The following DNAH1 variants were observed in gnomAD, a reference collection of about 807,000 sequenced individuals.
The protein encoded by DNAH1 is dynein axonemal heavy chain 1.
A neutral mutation model predicts 484.3 loss-of-function variants in DNAH1; 327 were observed. That is an observed-to-expected ratio of 0.68 (90% confidence interval 0.62 to 0.74). DNAH1 has a LOEUF of 0.74. DNAH1 is among the 30% of genes least tolerant of loss of function. The pLI is 0.00. For synonymous variants in DNAH1, 2,192 were observed against 2,191.9 expected (o/e 1.00, Z 0.00); for missense variants, 5,052 against 5,546.8 (o/e 0.91, Z 2.83).
chr3:52,315,419 C>G (rs1700917259), upstream of DNAH1, among the ~76,000 whole-genome samples: 1 of 152,240 alleles, frequency 6.6e-6, no homozygotes, highest in Admixed American at 6.5e-5. Flanking sequence ...CCCATCTCAG[C>G]CAGCAAGGAG....
chr3:52,335,075 C>T (rs1190336342), intron 8 of DNAH1, among the ~76,000 whole-genome samples: 2 of 149,528 alleles, frequency 1.3e-5, no homozygotes, highest in East Asian at 2.0e-4. Context: ...GCTGGGATTA[C>T]AGGCATGATC....
At chr3:52,382,115 T>C (rs1486948454) in intron 49 of DNAH1, among the ~76,000 whole-genome samples, 1 of 151,956 alleles carries the variant, frequency 6.6e-6, no homozygotes, top group African/African-American at 2.4e-5. Context: ...GCTGGGAGGA[T>C]GGAAGGGAAG....
Position 52,364,177 on chromosome 3 carries a change from C to T in DNAH1, c.5245-461C>T, listed in dbSNP as rs1309190827. Among the ~76,000 whole-genome samples, 2 of 152,186 alleles carry T rather than the reference C, an allele frequency of 1.3e-5. No homozygotes were observed. Among genetic ancestry groups the T allele is most frequent in the African/African-American group, 4.8e-5 (2 of 41,444 alleles). ...AATTTAACTATTTCCAACTCACTTACTGTGTAATGAAGAGAAACAGGCTGG... is the reference window on the plus strand; with the variant it reads ...AATTTAACTATTTCCAACTCACTTATTGTGTAATGAAGAGAAACAGGCTGG... On this transcript the variant is annotated intron_variant, in intron 32 of 77. Transcript: ENST00000420323. This position sits in a 1 kb window ranked among gnomAD's most constrained non-coding sequence, Gnocchi z 4.2.
In DNAH1 at chr3:52,351,829, CA is replaced by C. The variant is rs1283418508; in HGVS notation, c.2730-132del. The C allele has an allele frequency of 2.7e-6, 3 of 1,131,236 alleles. No homozygotes were observed. In the African/African-American group the frequency reaches 4.6e-5, roughly 18 times the overall value. 70.1% of individuals were successfully genotyped at this position (1,131,236 alleles called of 1,614,324 possible). A position where few individuals can be genotyped will look rare whatever the true frequency, so the allele number is the denominator to read the frequency against. ...GCTGTCTGGCCCCAGGTAGCCTCCACAGCTGCCTGGATTTCCCCTGAACCCC... is the reference window on the plus strand; with the variant it reads ...GCTGTCTGGCCCCAGGTAGCCTCCACGCTGCCTGGATTTCCCCTGAACCCC... On this transcript the variant is annotated intron_variant, in intron 16 of 77. Transcript: ENST00000420323.
At chr3:52,391,087 C>A (rs753359426) in intron 61 of DNAH1, 33 bp downstream of exon 61, 2 of 1,588,710 alleles carry the variant, frequency 1.3e-6, no homozygotes, top group Non-Finnish European at 1.7e-6. Flanking sequence ...ACCACCCCAC[C>A]CCAGCCAGGC....
intron 8 of DNAH1, among the ~76,000 whole-genome samples, chr3:52,339,837 C>T (rs1284200859): frequency 3.3e-5 from 5 of 151,410 alleles, no homozygotes; most frequent in African/African-American, 1.2e-4. Flanking sequence ...TGTGTACACA[C>T]GTGCTGGGGA....
rs1024059041 is a variant in DNAH1, at chr3:52,355,360, G to A, written c.3693+305G>A. On this transcript the variant is annotated intron_variant, in intron 21 of 77. Transcript: ENST00000420323. The surrounding 1 kb of genome is among the most constrained non-coding windows in gnomAD (Gnocchi z 4.5). ...ACTGCCAGGCGGCCTCCCCAGGGCTGCCTGAGCTTGGGACAACCAGGTCCT... is the reference window on the plus strand; with the variant it reads ...ACTGCCAGGCGGCCTCCCCAGGGCTACCTGAGCTTGGGACAACCAGGTCCT... 6.6e-6 allele frequency among the ~76,000 whole-genome samples: 1 copy of A among 152,236 alleles called. No individual in the cohort carries two copies. The highest frequency in any genetic ancestry group is 1.5e-5 in the Non-Finnish European group (1 of 68,034).
rs913352141 is a variant in DNAH1 at position 52,362,124 on chromosome 3, T to C, written c.4981-264T>C. Among the ~76,000 whole-genome samples the C allele has an allele frequency of 1.3e-5, 2 of 152,070 alleles. No individual in the cohort carries two copies. Among genetic ancestry groups the C allele is most frequent in the African/African-American group, 4.8e-5 (2 of 41,406 alleles). On this transcript the variant is annotated intron_variant, in intron 30 of 77. Transcript: ENST00000420323. The surrounding 1 kb of genome is among the most constrained non-coding windows in gnomAD (Gnocchi z 5.1). ...GCTGAGCTTGGCTGGAGCTGGGGAA[T>C]TGGGGGTGGAGCGAGTGGGAAGCAG...
rs749833949 is a variant in DNAH1, at chr3:52,350,017, G to T, written c.2555G>T (p.Arg852Leu). The T allele has an allele frequency of 5.0e-6, 8 of 1,612,434 alleles. No homozygotes were observed. In the East Asian group the frequency reaches 1.1e-4, roughly 22 times the overall value. ...TGCGAGGAGTTCCGCAGCATCAGCC[G>T]CAAGATCTATGAGAAGCCCAACAGC... ...SICEEFRSIS[R>L]KIYEKPNSIE... Residue 852 changes from arginine to leucine, a missense_variant, in exon 15 of 78, where the codon CGC becomes CTC. Arg to Leu is a moderately radical substitution (Grantham distance 102). Around this residue, in one of 4 missense-constraint regions of DNAH1, gnomAD observed 1,263 missense variants for 1,218.8 expected, o/e 1.04. Coordinates refer to ENST00000420323, the MANE Select transcript of DNAH1 (RefSeq NM_015512.5).
chr3:52,367,283 G>T (rs1294417884), intron 36 of DNAH1, among the ~76,000 whole-genome samples: 1 of 152,172 alleles, frequency 6.6e-6, no homozygotes, highest in Non-Finnish European at 1.5e-5. Flanking sequence ...AGACTGCTGA[G>T]ACGTCGGCAC....
intron 70 of DNAH1, 44 bp from the exon 71 acceptor site, chr3:52,396,324 A>G (rs1462827118): frequency 1.3e-6 from 2 of 1,538,046 alleles, no homozygotes; most frequent in South Asian, 1.2e-5. Flanking sequence ...CAGGGTGGCC[A>G]CCAGATATGG....
At chr3:52,333,644 T>TGTGTAAA (rs1701633969) in intron 8 of DNAH1, among the ~76,000 whole-genome samples, 1 of 152,310 alleles carries the variant, frequency 6.6e-6, no homozygotes, top group East Asian at 1.9e-4. Flanking sequence ...CGCCTTGGCC[T>TGTGTAAA]CCCAAAGGGA....
At chr3:52,373,343 G>A (rs891652557) in intron 44 of DNAH1, among the ~76,000 whole-genome samples, 48 of 152,068 alleles carry the variant, frequency 3.2e-4, no homozygotes, top group African/African-American at 1.1e-3. Flanking sequence ...GGGCGGGGGC[G>A]CTGCTGCTGC....
At chr3:52,335,007 C>T (rs1465120080) in intron 8 of DNAH1, among the ~76,000 whole-genome samples, 1 of 151,948 alleles carries the variant, frequency 6.6e-6, no homozygotes, top group Non-Finnish European at 1.5e-5. Flanking sequence ...TCACCATGTT[C>T]GCCAGGATGG....
intron 8 of DNAH1, among the ~76,000 whole-genome samples, chr3:52,338,078 G>A (rs970073157): frequency 6.6e-6 from 1 of 152,108 alleles, no homozygotes; most frequent in Admixed American, 6.5e-5. Flanking sequence ...ATAGGAGTGA[G>A]TCACCATGCT....
rs1232751436 is a variant in DNAH1 at position 52,362,254 on chromosome 3, T to C, written c.4981-134T>C. ...AGATCCTGAGAGAGGATACAACCCA[T>C]GATCAGGGGTCCAGGCCTGGCCTAC... is the stretch of plus-strand genomic sequence containing the variant. On this transcript the variant is annotated intron_variant, in intron 30 of 77. Coordinates refer to ENST00000420323, the MANE Select transcript of DNAH1 (RefSeq NM_015512.5). The surrounding 1 kb of genome is among the most constrained non-coding windows in gnomAD (Gnocchi z 5.1). 1.8e-5 allele frequency: 13 copies of C among 709,762 alleles called. No homozygotes were observed. The East Asian group carries it at 3.5e-4, about 19-fold the overall frequency. The allele number at this position is 709,762 out of a possible 1,614,324, so 44.0% of individuals were successfully genotyped here. A position where few individuals can be genotyped will look rare whatever the true frequency, so the allele number is the denominator to read the frequency against.
intron 8 of DNAH1, 21 bp downstream of exon 8, chr3:52,332,415 C>G (rs886692874): frequency 6.2e-7 from 1 of 1,606,134 alleles, no homozygotes; most frequent in Non-Finnish European, 8.5e-7. Context: ...GCTCGGCCTT[C>G]CCTATTCTGG....
Position 52,392,905 on chromosome 3 carries a change from C to T in DNAH1, c.10354C>T (p.Arg3452Cys), listed in dbSNP as rs756290897. The part of the protein sequence containing the change: ...TRMEYIPVAI[R>C]TQILFFCVSD... ...CATGGAGTACATACCCGTGGCCATC[C>T]GCACCCAGATCCTCTTCTTCTGTGT... The change falls in exon 65 of 78, where the codon CGC (arginine) becomes TGC (cysteine). Residue 3452 changes from arginine (R) to cysteine (C), a missense_variant. Arg to Cys is a radical substitution (Grantham distance 180). Transcript: ENST00000420323. 8.1e-6 allele frequency: 13 copies of T among 1,612,952 alleles called. No homozygotes were observed. The highest frequency in any genetic ancestry group is 5.0e-5 in the Admixed American group (3 of 59,896).
At position 52,391,511 on chromosome 3, in the gene DNAH1, C is replaced by A; in HGVS notation, c.9960C>A (p.Phe3320Leu). The A allele has an allele frequency of 6.2e-7, 1 of 1,613,776 alleles. No homozygotes were observed. Among genetic ancestry groups the A allele is most frequent in the Non-Finnish European group, 8.5e-7 (1 of 1,179,786 alleles). ...GDTVIPYHED[F>L]RMYITTKLPN... ...CGGTGATCCCCTACCATGAGGACTT[C>A]AGGATGTACATCACCACCAAGCTGC... is the stretch of plus-strand genomic sequence containing the variant. Residue 3320 changes from phenylalanine (F) to leucine (L), a missense_variant, in exon 63 of 78, where the codon TTC becomes TTA. By Grantham distance (22) the Phe-to-Leu change is conservative. Transcript: ENST00000420323.
Sources: allele counts gnomAD v4.1 joint callset (sites outside exome capture counted in the v4.1 genomes callset), GRCh38; gene constraint gnomAD v4.1.1; regional missense constraint gnomAD v4.1.1; non-coding constraint Gnocchi (gnomAD v3.1); transcripts MANE v1.5; gene names NCBI Gene and HGNC (gene_info 2026-07-23, HGNC 2026-07-21).